The following CDKN3 variants were observed in gnomAD, a reference collection of about 807,000 sequenced individuals.
The protein encoded by CDKN3 is cyclin-dependent kinase inhibitor 3.
In CDKN3, 19 loss-of-function variants were observed where a neutral mutation model predicts 36.1. The observed-to-expected ratio is 0.53, with a 90% CI of 0.37 to 0.77. The LOEUF is 0.77. Ranked by LOEUF, CDKN3 falls within the 30% of genes least tolerant of loss-of-function variation. The pLI is 0.00. For synonymous variants in CDKN3, 71 were observed against 85.3 expected (o/e 0.83, Z 0.92); for missense variants, 188 against 248.6 (o/e 0.76, Z 1.64).
At chr14:54,407,037 C>T (rs772827575) in intron 3 of CDKN3, among the ~76,000 whole-genome samples, 15 of 152,288 alleles carry the variant, frequency 9.8e-5, no homozygotes, top group South Asian at 2.1e-4. Flanking sequence ...GCGTGGGCGT[C>T]CTTTCCGTTG....
intron 3 of CDKN3, among the ~76,000 whole-genome samples, chr14:54,406,962 C>T (rs939603685): frequency 1.3e-5 from 2 of 152,094 alleles, no homozygotes; most frequent in African/African-American, 4.8e-5. Context: ...TCTGGTTTTT[C>T]CTCATCTTCG....
At chr14:54,414,543 CTTTT>C (rs112279322) in intron 5 of CDKN3, among the ~76,000 whole-genome samples, 3,646 of 139,712 alleles carry the variant, frequency 0.026, 163 homozygotes, top group African/African-American at 0.088. Flanking sequence ...CTATCTTGAT[CTTTT>C]TTTTTTTTTT....
chr14:54,405,271 A>G (rs8018066), intron 3 of CDKN3, among the ~76,000 whole-genome samples: 59,258 of 152,000 alleles, frequency 0.39, 13,203 homozygotes, highest in Non-Finnish European at 0.5. Context: ...TATGTGGTCA[A>G]TTTTAGAATA....
Position 54,418,389 on chromosome 14 carries a change from G to T in CDKN3, c.552+438G>T, listed in dbSNP as rs951096240. The T allele has an allele frequency of 1.2e-5, 8 of 650,088 alleles. No homozygotes were observed. The African/African-American group carries it at 1.3e-4, about 10-fold the overall frequency. The allele number at this position is 650,088 out of a possible 1,614,324, so 40.3% of individuals were successfully genotyped here. ...ACCAAAACATTTAATAAAGACAGAT[G>T]AATGACTATAATACAAAAAATGGAA... On this transcript the variant is annotated intron_variant, in intron 7 of 7. Transcript: ENST00000335183.
At chr14:54,407,671 C>T (rs914162765) in intron 3 of CDKN3, among the ~76,000 whole-genome samples, 1 of 152,192 alleles carries the variant, frequency 6.6e-6, no homozygotes, top group East Asian at 1.9e-4. Context: ...CCACTCAAGC[C>T]TCAATAATGG....
At chr14:54,413,746 C>T in intron 5 of CDKN3, 1 of 1,512,738 alleles carries the variant, frequency 6.6e-7, no homozygotes, top group South Asian at 1.2e-5. Flanking sequence ...CTGTTGTCTA[C>T]CAGTGCTGTC....
chr14:54,415,254 C>G (rs1186062020), intron 5 of CDKN3, among the ~76,000 whole-genome samples: 7 of 152,238 alleles, frequency 4.6e-5, no homozygotes, highest in Non-Finnish European at 8.8e-5. Context: ...ACTTCTTACT[C>G]TGCACAAAGC....
chr14:54,415,977 C>G (rs1315290630), intron 6 of CDKN3, 47 bp downstream of exon 6: 2 of 1,315,256 alleles, frequency 1.5e-6, no homozygotes, highest in Non-Finnish European at 2.2e-6. Context: ...AATAGACAAA[C>G]TTCTGTTTCC....
intron 3 of CDKN3, among the ~76,000 whole-genome samples, chr14:54,405,176 C>A (rs1354637719): frequency 6.6e-6 from 1 of 152,116 alleles, no homozygotes; most frequent in African/African-American, 2.4e-5. Flanking sequence ...ATCCTGAATT[C>A]TAATTTGATT....
rs2030251496 is a variant in CDKN3, at chr14:54,408,774, G to A, written c.178G>A (p.Val60Ile). The A allele has an allele frequency of 1.3e-6, 2 of 1,574,182 alleles. No individual in the cohort carries two copies. The highest frequency in any genetic ancestry group is 2.3e-5 in the East Asian group (1 of 43,416). The part of the protein sequence containing the change: ...GCKFKDVRRN[V>I]QKDTEELKSC... Reference sequence around the variant, plus strand: ...TAAATTTAAAGATGTTAGAAGAAATGTCCAAAAAGATACAGGTAGGTATAA... The same window carrying A: ...TAAATTTAAAGATGTTAGAAGAAATATCCAAAAAGATACAGGTAGGTATAA... The change falls in exon 4 of 8, where the codon GTC (valine) becomes ATC (isoleucine). Residue 60 changes from valine to isoleucine, a missense_variant. Transcript: ENST00000335183.
intron 3 of CDKN3, 74 bp from the exon 4 acceptor site, chr14:54,408,671 A>G: frequency 4.2e-6 from 6 of 1,436,316 alleles, no homozygotes; most frequent in Non-Finnish European, 5.7e-6. Context: ...TAAAGTAGCT[A>G]TATAAGTGTT....
At chr14:54,413,828 T>G in intron 5 of CDKN3, 1 of 1,404,900 alleles carries the variant, frequency 7.1e-7, no homozygotes, top group African/African-American at 1.5e-5. Flanking sequence ...TACTGTATTT[T>G]GTAGTTTCTT....
chr14:54,415,509 C>A (rs1476352514), intron 5 of CDKN3, among the ~76,000 whole-genome samples: 20 of 152,232 alleles, frequency 1.3e-4, no homozygotes, highest in Admixed American at 1.3e-3. Context: ...CCTTTAGATA[C>A]ATGAATGGTT....
At chr14:54,401,658 G>A in intron 3 of CDKN3, 79 bp downstream of exon 3, 3 of 1,031,142 alleles carry the variant, frequency 2.9e-6, no homozygotes, top group Non-Finnish European at 4.3e-6. Flanking sequence ...CTTTTGGGGG[G>A]ACAGGTGGTG....
At chr14:54,408,868 A>G (rs1261573570) in intron 4 of CDKN3, 79 bp downstream of exon 4, 3 of 1,448,904 alleles carry the variant, frequency 2.1e-6, no homozygotes. Context: ...AAAAAGAACA[A>G]ATCAGTTTTT....
rs556243581 is a variant in CDKN3, at chr14:54,401,721, C to T, written c.148+142C>T. On this transcript the variant is annotated intron_variant, in intron 3 of 7. Coordinates refer to ENST00000335183, the MANE Select transcript of CDKN3 (RefSeq NM_005192.4). ...GGCAATTTCTGAAATTTTGGTGCAC[C>T]CATCACCAGAGCAGTATACAATGTA... 3.4e-5 allele frequency: 20 copies of T among 593,010 alleles called. No homozygotes were observed. The South Asian group carries it at 4.8e-4, about 14-fold the overall frequency. 36.7% of individuals were successfully genotyped at this position (593,010 alleles called of 1,614,324 possible).
chr14:54,412,560 G>C (rs182244466), intron 5 of CDKN3, among the ~76,000 whole-genome samples: 56 of 152,302 alleles, frequency 3.7e-4, no homozygotes, highest in Middle Eastern at 6.8e-3. Context: ...CAAGCTGCTG[G>C]TGTGAAAGTT....
At chr14:54,403,300 C>G (rs550637509) in intron 3 of CDKN3, among the ~76,000 whole-genome samples, 1 of 152,120 alleles carries the variant, frequency 6.6e-6, no homozygotes, top group Non-Finnish European at 1.5e-5. Flanking sequence ...GTATTTTATT[C>G]TCTTTGTAGC....
rs1048136211 is a variant in CDKN3 at position 54,418,207 on chromosome 14, T to G, written c.552+256T>G. 4.3e-6 allele frequency: 3 copies of G among 702,388 alleles called. No homozygotes were observed. The Admixed American group carries it at 6.0e-5, about 14-fold the overall frequency. 43.5% of individuals were successfully genotyped at this position (702,388 alleles called of 1,614,324 possible). A position where few individuals can be genotyped will look rare whatever the true frequency, so the allele number is the denominator to read the frequency against. ...GAAAATTTGAACTTCCTGGTTTACT[T>G]TTCCAGGATCTACCTACTTCTCAGT... On this transcript the variant is annotated intron_variant, in intron 7 of 7. Coordinates refer to ENST00000335183, the MANE Select transcript of CDKN3 (RefSeq NM_005192.4).
Sources: allele counts gnomAD v4.1 joint callset (sites outside exome capture counted in the v4.1 genomes callset), GRCh38; gene constraint gnomAD v4.1.1; transcripts MANE v1.5; gene names NCBI Gene and HGNC (gene_info 2026-07-23, HGNC 2026-07-21).